Variants in CALN1 observed in about 807,000 individuals in gnomAD.
CALN1 encodes the protein calcium-binding protein 8.
Under a neutral mutation model 30.6 loss-of-function variants are expected in CALN1, and 17 were observed. The observed-to-expected ratio is 0.56, with a 90% CI of 0.38 to 0.83. The LOEUF (loss-of-function observed/expected upper bound fraction) is 0.83. Ranked by LOEUF, CALN1 falls within the 40% of genes least tolerant of loss-of-function variation. CALN1 has a pLI of 0.00. For synonymous variants in CALN1, 156 were observed against 131.4 expected (o/e 1.19, Z -1.28); for missense variants, 291 against 354.9 (o/e 0.82, Z 1.45).
chr7:72,129,489 T>TTA (rs1363475635), intron 3 of CALN1, among the ~76,000 whole-genome samples: 1 of 152,224 alleles, frequency 6.6e-6, no homozygotes, highest in African/African-American at 2.4e-5. Flanking sequence ...AAAGATCATA[T>TTA]TTAATGATAC....
intron 3 of CALN1, among the ~76,000 whole-genome samples, chr7:72,215,692 C>T (rs1269020025): frequency 3.3e-5 from 5 of 151,778 alleles, no homozygotes; most frequent in Non-Finnish European, 5.9e-5. Flanking sequence ...GAAATAAAGA[C>T]AGCTCCACAC....
rs562546068 is a variant in CALN1, at chr7:72,109,743, T to C, written c.245-3449A>G. Reference sequence around the variant, plus strand: ...ATGTGGCCTGAGCTCAGATCCCCAATTGCCAAGGATGGGAGGACGCAGAGG... The same window carrying C: ...ATGTGGCCTGAGCTCAGATCCCCAACTGCCAAGGATGGGAGGACGCAGAGG... On this transcript the variant is annotated intron_variant, in intron 3 of 6. Transcript: ENST00000395275. Among the ~76,000 whole-genome samples the C allele has an allele frequency of 1.3e-3, 194 of 152,260 alleles. 1 individual carries two copies. Among genetic ancestry groups the C allele is most frequent in the African/African-American group, 4.4e-3 (183 of 41,580 alleles).
intron 2 of CALN1, among the ~76,000 whole-genome samples, chr7:72,301,199 C>T (rs1303302464): frequency 6.6e-6 from 1 of 151,976 alleles, no homozygotes; most frequent in Non-Finnish European, 1.5e-5. Flanking sequence ...GAGTATAGTC[C>T]CAGTCAGCAG....
At chr7:72,462,954 A>G in the CALN1 span, among the ~76,000 whole-genome samples, 2 of 152,182 alleles carry the variant, frequency 1.3e-5, no homozygotes, top group African/African-American at 4.8e-5. Context: ...TCCATCAATG[A>G]ACATTACTAT....
At chr7:72,407,176 C>T (rs1369481423) in intron 1 of CALN1, among the ~76,000 whole-genome samples, 1 of 152,182 alleles carries the variant, frequency 6.6e-6, no homozygotes, top group Non-Finnish European at 1.5e-5. Flanking sequence ...CAGTTCAAAT[C>T]CTGGCTGTGC....
At chr7:72,026,422 C>T (rs952374790) in intron 4 of CALN1, among the ~76,000 whole-genome samples, 3 of 152,020 alleles carry the variant, frequency 2.0e-5, no homozygotes, top group Non-Finnish European at 2.9e-5. Flanking sequence ...CCCATCTCTA[C>T]AAAAAATACA....
chr7:72,084,636 C>A (rs563519148), intron 4 of CALN1, among the ~76,000 whole-genome samples: 1 of 152,012 alleles, frequency 6.6e-6, no homozygotes, highest in Non-Finnish European at 1.5e-5. Context: ...GCTGGGATTA[C>A]GATACTTTTG....
At chr7:72,402,742 T>C (rs143373228) in intron 2 of CALN1, among the ~76,000 whole-genome samples, 2 of 152,172 alleles carry the variant, frequency 1.3e-5, no homozygotes, top group African/African-American at 4.8e-5. Context: ...GGTAGCCTAG[T>C]GGTTAGGAGC....
intron 2 of CALN1, among the ~76,000 whole-genome samples, chr7:72,396,518 G>C (rs1167633017): frequency 6.6e-6 from 1 of 152,092 alleles, no homozygotes; most frequent in African/African-American, 2.4e-5. Flanking sequence ...ATAGGACGGA[G>C]GAGGTATAAT....
chr7:71,814,911 G>A (rs1788172897), intron 5 of CALN1, among the ~76,000 whole-genome samples: 2 of 149,818 alleles, frequency 1.3e-5, no homozygotes, highest in South Asian at 2.1e-4. Context: ...TTGGCTCACT[G>A]TAATCTCCGC....
At chr7:72,496,627 G>A in the CALN1 span, among the ~76,000 whole-genome samples, 3 of 152,128 alleles carry the variant, frequency 2.0e-5, no homozygotes, top group East Asian at 1.9e-4. Context: ...GGTGGCTCAC[G>A]CCTGTAATCC....
intron 2 of CALN1, among the ~76,000 whole-genome samples, chr7:72,298,805 A>T (rs1395183409): frequency 0.18 from 2,145 of 12,160 alleles, 54 homozygotes; most frequent in Middle Eastern, 0.42. Context: ...GATGGTTTTA[A>T]AAAAAAAAAA....
Position 72,202,657 on chromosome 7 carries a change from G to C in CALN1, c.244+76029C>G, listed in dbSNP as rs145269345. Among the ~76,000 whole-genome samples the C allele has an allele frequency of 2.8e-3, 433 of 152,286 alleles. 1 individual carries two copies. The highest frequency in any genetic ancestry group is 0.02 in the Middle Eastern group (6 of 294). On this transcript the variant is annotated intron_variant, in intron 3 of 6. Coordinates refer to ENST00000395275, the MANE Select transcript of CALN1 (RefSeq NM_031468.4). ...GGTTAGAAACCCAAGGAGTAAACCA[G>C]AGACTTTGAAAACACACTTGTGTAG...
intron 3 of CALN1, among the ~76,000 whole-genome samples, chr7:72,170,471 T>C (rs543678030): frequency 2.6e-5 from 4 of 152,164 alleles, no homozygotes; most frequent in Non-Finnish European, 5.9e-5. Context: ...CAAAACAATC[T>C]TCAAAAAGAC....
chr7:72,481,013 T>C, the CALN1 span, among the ~76,000 whole-genome samples: 3 of 152,142 alleles, frequency 2.0e-5, no homozygotes, highest in Non-Finnish European at 4.4e-5. Flanking sequence ...AGTACAATGG[T>C]GCGATCTCGG....
chr7:71,901,888 A>C (rs1793869583), intron 5 of CALN1, among the ~76,000 whole-genome samples: 1 of 152,200 alleles, frequency 6.6e-6, no homozygotes, highest in Admixed American at 6.5e-5. Context: ...CCTCAAATGC[A>C]ACAAAAACAA....
At chr7:72,261,209 G>C (rs988664213) in intron 3 of CALN1, among the ~76,000 whole-genome samples, 4 of 152,182 alleles carry the variant, frequency 2.6e-5, no homozygotes, top group African/African-American at 9.7e-5. Context: ...TCGGGAGGCT[G>C]AGGCAGGAGA....
At chr7:72,098,967 G>A (rs1057286875) in intron 4 of CALN1, among the ~76,000 whole-genome samples, 3 of 152,122 alleles carry the variant, frequency 2.0e-5, no homozygotes, top group Non-Finnish European at 4.4e-5. Flanking sequence ...ATGTGTAGCC[G>A]GCAAGGCACC....
the CALN1 span, among the ~76,000 whole-genome samples, chr7:72,487,609 C>T: frequency 1.3e-5 from 2 of 150,196 alleles, no homozygotes; most frequent in African/African-American, 4.9e-5. Context: ...TCGGGTGAAC[C>T]CAGGAGGCAG....
Sources: gnomAD v4.1 joint callset for allele counts (sites outside exome capture counted in the v4.1 genomes callset) on GRCh38, gnomAD v4.1.1 for gene constraint, MANE v1.5 for transcripts, NCBI Gene and HGNC (gene_info 2026-07-23, HGNC 2026-07-21) for gene names.